Variants in RANBP17 observed in about 807,000 individuals in gnomAD.
RANBP17 encodes RAN binding protein 17.
RANBP17 carries 158 observed loss-of-function variants against 141.2 expected under a neutral mutation model. The ratio of observed to expected loss-of-function variants is 1.12; its 90% CI spans 0.98 to 1.28. The LOEUF is 1.28. RANBP17 is among the 50% of genes most tolerant of loss of function. RANBP17 has a pLI of 0.00. For synonymous variants in RANBP17, 430 were observed against 450.0 expected (o/e 0.96, Z 0.56); for missense variants, 1,438 against 1,290.7 (o/e 1.11, Z -1.75).
intron 18 of RANBP17, among the ~76,000 whole-genome samples, chr5:171,188,795 GC>G (rs1761437520): frequency 6.6e-6 from 1 of 152,172 alleles, no homozygotes; most frequent in Non-Finnish European, 1.5e-5. Flanking sequence ...CCTGCACACA[GC>G]CCCAACTCTG....
chr5:171,138,995 C>G (rs1238774088), intron 14 of RANBP17, among the ~76,000 whole-genome samples: 1 of 151,962 alleles, frequency 6.6e-6, no homozygotes, highest in South Asian at 2.1e-4. Flanking sequence ...GAGAATCACT[C>G]GAGCCCAAGA....
At chr5:171,256,130 A>C (rs2913873) in intron 24 of RANBP17, among the ~76,000 whole-genome samples, 2 of 152,110 alleles carry the variant, frequency 1.3e-5, no homozygotes, top group Non-Finnish European at 2.9e-5. Flanking sequence ...ACTTTCTTTA[A>C]AAACACTTTT....
intron 14 of RANBP17, among the ~76,000 whole-genome samples, chr5:170,989,395 C>T (rs530286560): frequency 3.4e-4 from 52 of 151,744 alleles, no homozygotes; most frequent in African/African-American, 1.2e-3. Flanking sequence ...AGTTTGTAAT[C>T]GAAATATTGC....
chr5:170,912,061 A>G (rs1771573484), intron 7 of RANBP17, among the ~76,000 whole-genome samples: 1 of 151,878 alleles, frequency 6.6e-6, no homozygotes, highest in Admixed American at 6.6e-5. Flanking sequence ...AAAATTGGAG[A>G]GGCCTCATAT....
At chr5:170,922,213 A>T (rs1476358978) in intron 11 of RANBP17, among the ~76,000 whole-genome samples, 2 of 152,204 alleles carry the variant, frequency 1.3e-5, no homozygotes. Context: ...TTCATCCCAG[A>T]GGGTCACCTG....
At chr5:170,897,387 C>T (rs1459038654) in intron 5 of RANBP17, 4 of 432,892 alleles carry the variant, frequency 9.2e-6, no homozygotes, top group African/African-American at 2.1e-5. Context: ...TTCCATTGCG[C>T]GTATGTGTAC....
intron 14 of RANBP17, among the ~76,000 whole-genome samples, chr5:171,100,269 A>C (rs1232148560): frequency 6.6e-6 from 1 of 151,992 alleles, no homozygotes; most frequent in African/African-American, 2.4e-5. Flanking sequence ...TTACTGCCTC[A>C]ATTTCAGAAC....
intron 14 of RANBP17, among the ~76,000 whole-genome samples, chr5:171,023,681 A>G (rs75960242): frequency 0.015 from 2,320 of 152,248 alleles, 50 homozygotes; most frequent in African/African-American, 0.052. Context: ...TTCCACTGTC[A>G]TCTGGCTTTC....
chr5:170,908,957 A>C (rs913131617), intron 5 of RANBP17, among the ~76,000 whole-genome samples: 3 of 151,906 alleles, frequency 2.0e-5, no homozygotes, highest in Admixed American at 6.6e-5. Context: ...CCATAGTGTT[A>C]ATGTTAGTAT....
chr5:170,908,633 C>T lies in RANBP17; in HGVS notation c.490-1028C>T, dbSNP rs150439264. Among the ~76,000 whole-genome samples the T allele has an allele frequency of 4.0e-3, 612 of 151,216 alleles. 5 individuals are homozygous for T. Among genetic ancestry groups the T allele is most frequent in the African/African-American group, 0.014 (590 of 41,210 alleles). ...CAGGCAACAAACACACACATGTACC[C>T]CCACAAGCTAAAATGAAAGTTGGGA... On this transcript the variant is annotated intron_variant, in intron 5 of 27. Coordinates refer to ENST00000523189, the MANE Select transcript of RANBP17 (RefSeq NM_022897.5).
At chr5:170,992,087 G>A (rs949921713) in intron 14 of RANBP17, among the ~76,000 whole-genome samples, 5 of 151,926 alleles carry the variant, frequency 3.3e-5, no homozygotes, top group Non-Finnish European at 4.4e-5. Context: ...TCTAGAAAAA[G>A]ACAAAAGTGT....
intron 14 of RANBP17, among the ~76,000 whole-genome samples, chr5:171,045,254 T>C (rs528783751): frequency 3.9e-4 from 59 of 152,204 alleles, no homozygotes; most frequent in African/African-American, 1.2e-3. Context: ...CATGGAAATA[T>C]ATGTGTAAAT....
At chr5:171,122,419 C>T (rs564433644) in intron 14 of RANBP17, among the ~76,000 whole-genome samples, 85 of 152,264 alleles carry the variant, frequency 5.6e-4, no homozygotes, top group Middle Eastern at 3.4e-3. Flanking sequence ...GCCCTACACT[C>T]GCCTCCTCCA....
chr5:171,141,821 C>T (rs1383818771), intron 14 of RANBP17, among the ~76,000 whole-genome samples: 1 of 152,050 alleles, frequency 6.6e-6, no homozygotes, highest in Non-Finnish European at 1.5e-5. Context: ...TTCAAGAGTT[C>T]ATTTTAAACA....
chr5:171,155,267 A>G (rs1288523302), intron 14 of RANBP17, among the ~76,000 whole-genome samples: 11 of 151,510 alleles, frequency 7.3e-5, no homozygotes, highest in Admixed American at 7.2e-4. Flanking sequence ...AGGATAATCC[A>G]AGTAATTAAA....
intron 14 of RANBP17, among the ~76,000 whole-genome samples, chr5:171,059,201 C>A (rs1262577295): frequency 1.3e-5 from 2 of 152,112 alleles, no homozygotes; most frequent in East Asian, 1.9e-4. Flanking sequence ...GCTTTTGTTG[C>A]CATTGCTTTT....
intron 25 of RANBP17, among the ~76,000 whole-genome samples, chr5:171,277,531 TCGAA>T (rs952814349): frequency 2.7e-5 from 4 of 149,178 alleles, no homozygotes; most frequent in Non-Finnish European, 4.5e-5. Flanking sequence ...AACCTCAGGC[TCGAA>T]CAGAGAATTT....
intron 14 of RANBP17, among the ~76,000 whole-genome samples, chr5:171,104,555 A>G (rs924115344): frequency 6.6e-6 from 1 of 152,220 alleles, no homozygotes; most frequent in Non-Finnish European, 1.5e-5. Context: ...ACTATTTTCC[A>G]CAGAACAGAA....
rs529463410 is a variant in RANBP17 at position 171,143,513 on chromosome 5, T to A, written c.1711-26617T>A. The A allele has an allele frequency of 7.9e-5, 12 of 152,246 alleles. No homozygotes were observed. The South Asian group carries it at 2.1e-3, about 26-fold the overall frequency. 9.4% of individuals were successfully genotyped at this position (152,246 alleles called of 1,614,324 possible). On this transcript the variant is annotated intron_variant, in intron 14 of 27. Coordinates refer to ENST00000523189, the MANE Select transcript of RANBP17 (RefSeq NM_022897.5). ...AATGGTTCCACATCTTTAAAAAAAT[T>A]TTTTTCACCATTTCCTGATTTTACA...
Sources: allele counts gnomAD v4.1 joint callset (sites outside exome capture counted in the v4.1 genomes callset), GRCh38; gene constraint gnomAD v4.1.1; transcripts MANE v1.5; gene names NCBI Gene and HGNC (gene_info 2026-07-23, HGNC 2026-07-21).